MGAT4C: variants seen among roughly 807,000 people sequenced by gnomAD.
MGAT4C encodes MGAT4 family member C.
Under a neutral mutation model 40.1 loss-of-function variants are expected in MGAT4C, and 19 were observed. The observed-to-expected ratio is 0.47, with a 90% CI of 0.33 to 0.70. The LOEUF (loss-of-function observed/expected upper bound fraction) is 0.70, where lower values mean the gene tolerates loss of function less well. Among genes scored for constraint, MGAT4C ranks in the 30% least tolerant of loss-of-function variants. The probability of loss-of-function intolerance (pLI) is 0.02; values close to 1 mark genes in which losing one functional copy is unlikely to be tolerated. For missense variants in MGAT4C, 491 were observed against 563.2 expected (o/e 0.87, Z 1.30); for synonymous variants, 181 against 187.1 (o/e 0.97, Z 0.27).
chr12:86,348,713 T>G, intron 3 of MGAT4C, among the ~76,000 whole-genome samples: 1 of 152,246 alleles, frequency 6.6e-6, no homozygotes, highest in Non-Finnish European at 1.5e-5. Context: ...TTTAGTTGTT[T>G]AATTTTTTTA....
intron 1 of MGAT4C, among the ~76,000 whole-genome samples, chr12:86,193,732 G>A (rs559930099): frequency 6.6e-6 from 1 of 152,170 alleles, no homozygotes; most frequent in South Asian, 2.1e-4. Flanking sequence ...AGCTATAGAT[G>A]ACATTGTTGC....
At chr12:86,753,215 T>C (rs1174043460) in intron 1 of MGAT4C, among the ~76,000 whole-genome samples, 1 of 152,032 alleles carries the variant, frequency 6.6e-6, no homozygotes, top group Non-Finnish European at 1.5e-5. Context: ...GCTGGAAGGT[T>C]GTGGGTTTAC....
chr12:86,471,159 A>T (rs1957752746), intron 2 of MGAT4C, among the ~76,000 whole-genome samples: 1 of 152,100 alleles, frequency 6.6e-6, no homozygotes, highest in Non-Finnish European at 1.5e-5. Flanking sequence ...ACCAGGGGGA[A>T]ATATGAACCT....
intron 1 of MGAT4C, among the ~76,000 whole-genome samples, chr12:86,051,739 T>A (rs944114477): frequency 6.6e-6 from 1 of 151,304 alleles, no homozygotes; most frequent in Non-Finnish European, 1.5e-5. Context: ...AGAATTGTAC[T>A]AGATATATAG....
chr12:86,284,516 T>A (rs1184024327), intron 4 of MGAT4C, among the ~76,000 whole-genome samples: 1 of 151,918 alleles, frequency 6.6e-6, no homozygotes, highest in East Asian at 1.9e-4. Context: ...ACAAATCATA[T>A]ATCCCTGGTG....
At chr12:86,337,494 A>G (rs1486915148) in intron 3 of MGAT4C, among the ~76,000 whole-genome samples, 2 of 151,570 alleles carry the variant, frequency 1.3e-5, no homozygotes, top group East Asian at 3.9e-4. Flanking sequence ...AAGGCAGGAG[A>G]ATCACTTGAG....
At chr12:86,735,962 T>G (rs1002752817) in intron 1 of MGAT4C, among the ~76,000 whole-genome samples, 2 of 151,884 alleles carry the variant, frequency 1.3e-5, no homozygotes, top group African/African-American at 2.4e-5. Flanking sequence ...ATTTTTGTAT[T>G]AACCACCCTG....
intron 2 of MGAT4C, among the ~76,000 whole-genome samples, chr12:86,039,147 A>C (rs1891550014): frequency 6.6e-6 from 1 of 151,982 alleles, no homozygotes; most frequent in Admixed American, 6.6e-5. Context: ...GGCTGCCCTT[A>C]ATATTTTTTT....
chr12:86,564,376 G>T (rs1188728933), intron 2 of MGAT4C, among the ~76,000 whole-genome samples: 2 of 151,768 alleles, frequency 1.3e-5, no homozygotes, highest in Non-Finnish European at 2.9e-5. Context: ...TACCTTCACT[G>T]TTGTACCTCA....
intron 1 of MGAT4C, among the ~76,000 whole-genome samples, chr12:86,747,454 G>A (rs1461497027): frequency 2.6e-5 from 4 of 151,524 alleles, no homozygotes; most frequent in East Asian, 3.9e-4. Flanking sequence ...AGCTACTCAC[G>A]AATAATTTCA....
chr12:86,670,407 CAAAA>C (rs1025872109), intron 2 of MGAT4C, among the ~76,000 whole-genome samples: 1 of 151,662 alleles, frequency 6.6e-6, no homozygotes, highest in Non-Finnish European at 1.5e-5. Flanking sequence ...AACAAATAAA[CAAAA>C]AAACTCATTT....
chr12:86,548,518 G>A (rs1025304773), intron 2 of MGAT4C, among the ~76,000 whole-genome samples: 8 of 151,988 alleles, frequency 5.3e-5, no homozygotes, highest in East Asian at 1.9e-4. Context: ...TTGGATACAC[G>A]GAATAAATTG....
At chr12:86,581,988 G>C (rs1960796352) in intron 2 of MGAT4C, among the ~76,000 whole-genome samples, 1 of 151,330 alleles carries the variant, frequency 6.6e-6, no homozygotes, top group Non-Finnish European at 1.5e-5. Flanking sequence ...AGATTTTCTG[G>C]GATATTCTGG....
At chr12:86,049,758 C>T in intron 1 of MGAT4C, 35 bp from the exon 2 acceptor site, 1 of 818,546 alleles carries the variant, frequency 1.2e-6, no homozygotes, top group Non-Finnish European at 1.5e-6. Flanking sequence ...ACTAATACAA[C>T]CCACTGGTTT....
In MGAT4C at chr12:86,338,487, C is replaced by T. The variant is rs1458453073; in HGVS notation, c.-119-4360G>A. The stretch of plus-strand genomic sequence containing the variant: ...GTCCTACAAAGGCAGTTGAGTTCCC[C>T]GGTAAGAAGGAGGTTTGTTTTGGGA... On this transcript the variant is annotated intron_variant, in intron 3 of 7. Coordinates refer to the MGAT4C transcript ENST00000548651. Among the ~76,000 whole-genome samples, 7 of 152,200 alleles carry T rather than the reference C, an allele frequency of 4.6e-5. No homozygotes were observed. In the South Asian group the frequency reaches 8.3e-4, roughly 18 times the overall value.
intron 2 of MGAT4C, among the ~76,000 whole-genome samples, chr12:86,626,806 C>T (rs1962820810): frequency 6.6e-6 from 1 of 152,186 alleles, no homozygotes; most frequent in African/African-American, 2.4e-5. Flanking sequence ...GTGATTGACA[C>T]AGAAGACAGG....
intron 1 of MGAT4C, among the ~76,000 whole-genome samples, chr12:86,147,050 A>G (rs927084976): frequency 6.6e-6 from 1 of 152,120 alleles, no homozygotes; most frequent in African/African-American, 2.4e-5. Flanking sequence ...ATGTCTAGAA[A>G]AAGATGTGGA....
At chr12:86,210,548 C>T (rs77818791) in intron 1 of MGAT4C, among the ~76,000 whole-genome samples, 6 of 152,158 alleles carry the variant, frequency 3.9e-5, no homozygotes, top group African/African-American at 1.4e-4. Context: ...TTCTTGAGTT[C>T]TAGGTCAATG....
intron 1 of MGAT4C, among the ~76,000 whole-genome samples, chr12:86,764,795 A>G (rs1951473997): frequency 6.6e-6 from 1 of 152,202 alleles, no homozygotes; most frequent in Admixed American, 6.5e-5. Context: ...ACAGACATGC[A>G]GCTGACGGTC....
Sources: gnomAD v4.1 joint callset for allele counts (sites outside exome capture counted in the v4.1 genomes callset) on GRCh38, gnomAD v4.1.1 for gene constraint, MANE v1.5 for transcripts, NCBI Gene and HGNC (gene_info 2026-07-23, HGNC 2026-07-21) for gene names.